Variants in RBFOX1 observed in about 807,000 individuals in gnomAD.
RBFOX1 encodes the protein RNA binding fox-1 homolog 1.
RBFOX1 carries 8 observed loss-of-function variants against 57.7 expected under a neutral mutation model. That is an observed-to-expected ratio of 0.14 (90% CI 0.08 to 0.25). The LOEUF (loss-of-function observed/expected upper bound fraction) is 0.25, where lower values mean the gene tolerates loss of function less well. Among genes scored for constraint, RBFOX1 ranks in the 10% least tolerant of loss-of-function variants. The probability of loss-of-function intolerance (pLI) is 1.00; values close to 1 mark genes in which losing one functional copy is unlikely to be tolerated. For synonymous variants in RBFOX1, 326 were observed against 222.4 expected, an observed-to-expected ratio of 1.47 and a Z score of -4.15; for missense variants, 611 against 548.5, an observed-to-expected ratio of 1.11 and a Z score of -1.14.
exon 1 of RBFOX1, chr16:5,240,079 A>G: frequency 6.5e-7 from 1 of 1,531,302 alleles, no homozygotes; most frequent in Non-Finnish European, 8.7e-7. Context: ...GGAGACCGGC[A>G]CCCAGACAGG....
At position 6,943,163 on chromosome 16, in the gene RBFOX1, C is replaced by G. The variant is rs572227214; in HGVS notation, c.-15-108894C>G. ...ACTGGCTTGCTAATGGCTACCAGCTCTCCACTCTCCACAGACCTGAGCTTG... is the reference window on the plus strand; with the variant it reads ...ACTGGCTTGCTAATGGCTACCAGCTGTCCACTCTCCACAGACCTGAGCTTG... On this transcript the variant is annotated intron_variant, in intron 3 of 15. Transcript: ENST00000550418. Among the ~76,000 whole-genome samples the G allele has an allele frequency of 3.5e-4, 53 of 152,302 alleles. No homozygotes were observed. The South Asian group carries it at 0.011, about 30-fold the overall frequency.
At chr16:7,030,361 A>C (rs2042476323) in intron 3 of RBFOX1, among the ~76,000 whole-genome samples, 2 of 152,184 alleles carry the variant, frequency 1.3e-5, no homozygotes, top group African/African-American at 4.8e-5. Flanking sequence ...GTTAACGCCA[A>C]CTGGATGGCT....
intron 3 of RBFOX1, among the ~76,000 whole-genome samples, chr16:5,710,574 C>T (rs1185513559): frequency 2.6e-5 from 4 of 152,202 alleles, no homozygotes; most frequent in Non-Finnish European, 4.4e-5. Flanking sequence ...ATCTTTTCTT[C>T]TCTGATTAAG....
At chr16:5,349,089 A>C (rs1259427168) in intron 1 of RBFOX1, among the ~76,000 whole-genome samples, 1 of 152,192 alleles carries the variant, frequency 6.6e-6, no homozygotes, top group Non-Finnish European at 1.5e-5. Flanking sequence ...TGTTATCTGC[A>C]ATGGAGTATT....
chr16:6,256,195 ATGTATATGTATATG>A (rs1567788072), intron 1 of RBFOX1, among the ~76,000 whole-genome samples: 4 of 19,044 alleles, frequency 2.1e-4, no homozygotes, highest in African/African-American at 3.4e-4. Flanking sequence ...ACGTATATAT[ATGTATATGTATATG>A]TGTATATATA....
chr16:5,815,748 T>A (rs1450362004), intron 3 of RBFOX1, among the ~76,000 whole-genome samples: 7 of 152,202 alleles, frequency 4.6e-5, no homozygotes, highest in African/African-American at 1.7e-4. Flanking sequence ...CTTTAATAAA[T>A]CACCCCACGC....
intron 4 of RBFOX1, among the ~76,000 whole-genome samples, chr16:7,439,725 A>G (rs897302028): frequency 6.6e-6 from 1 of 152,150 alleles, no homozygotes; most frequent in African/African-American, 2.4e-5. Context: ...TGCATTGCTA[A>G]TGGATGTGTC....
At chr16:6,200,315 T>G (rs147030713) in intron 1 of RBFOX1, among the ~76,000 whole-genome samples, 14 of 152,188 alleles carry the variant, frequency 9.2e-5, no homozygotes, top group African/African-American at 2.9e-4. Flanking sequence ...GTTCAACGCT[T>G]TTCATTGTAT....
chr16:6,989,112 G>C (rs576538771), intron 3 of RBFOX1, among the ~76,000 whole-genome samples: 1 of 152,172 alleles, frequency 6.6e-6, no homozygotes, highest in East Asian at 1.9e-4. Flanking sequence ...GGGCAGGTTG[G>C]CCTAAACTCT....
chr16:7,453,795 T>A (rs11864798), intron 4 of RBFOX1, among the ~76,000 whole-genome samples: 3,235 of 152,160 alleles, frequency 0.021, 117 homozygotes, highest in African/African-American at 0.073. Flanking sequence ...CTGATGAGAT[T>A]ATGAAGCACG....
intron 4 of RBFOX1, among the ~76,000 whole-genome samples, chr16:7,071,028 T>C (rs1452365231): frequency 1.3e-5 from 2 of 152,094 alleles, no homozygotes; most frequent in Non-Finnish European, 2.9e-5. Flanking sequence ...TTAAGAGAAA[T>C]GAACTTCAAA....
chr16:5,700,458 G>A (rs28460640), intron 3 of RBFOX1, among the ~76,000 whole-genome samples: 9,063 of 152,200 alleles, frequency 0.06, 877 homozygotes, highest in African/African-American at 0.2. Flanking sequence ...CCTCATGAAA[G>A]CGTTTCATGA....
chr16:5,517,620 G>T (rs1394954255), intron 2 of RBFOX1, among the ~76,000 whole-genome samples: 1 of 152,182 alleles, frequency 6.6e-6, no homozygotes, highest in Non-Finnish European at 1.5e-5. Context: ...TAAGATGTGT[G>T]ATTGAGGAAA....
At chr16:7,323,425 A>G (rs964074219) in intron 4 of RBFOX1, among the ~76,000 whole-genome samples, 2 of 152,188 alleles carry the variant, frequency 1.3e-5, no homozygotes, top group Non-Finnish European at 2.9e-5. Context: ...CCCTGTCTCA[A>G]TAAATAAATA....
At chr16:6,573,224 G>T (rs949054242) in intron 2 of RBFOX1, among the ~76,000 whole-genome samples, 1 of 152,110 alleles carries the variant, frequency 6.6e-6, no homozygotes, top group African/African-American at 2.4e-5. Flanking sequence ...CGTTAAATCA[G>T]CCATCAGACG....
intron 1 of RBFOX1, among the ~76,000 whole-genome samples, chr16:5,290,232 G>GAC (rs2063499797): frequency 1.3e-5 from 2 of 152,144 alleles, no homozygotes; most frequent in Non-Finnish European, 2.9e-5. Flanking sequence ...TGTGGTGGCA[G>GAC]ACGCCTCTAA....
intron 1 of RBFOX1, among the ~76,000 whole-genome samples, chr16:6,129,870 C>T (rs915817950): frequency 6.6e-6 from 1 of 151,764 alleles, no homozygotes; most frequent in African/African-American, 2.4e-5. Context: ...AGAAGACAAT[C>T]ATATGACATC....
chr16:5,705,234 C>G (rs554869426), intron 3 of RBFOX1, among the ~76,000 whole-genome samples: 1 of 152,156 alleles, frequency 6.6e-6, no homozygotes, highest in Non-Finnish European at 1.5e-5. Context: ...CCAGCACCAT[C>G]CATGTGCTAA....
intron 4 of RBFOX1, among the ~76,000 whole-genome samples, chr16:7,491,356 A>C (rs188026398): frequency 4.7e-5 from 6 of 127,482 alleles, no homozygotes; most frequent in African/African-American, 1.5e-4. Flanking sequence ...TATCCTAGTA[A>C]GGGACTCTTC....
Sources: gnomAD v4.1 joint callset for allele counts (sites outside exome capture counted in the v4.1 genomes callset) on GRCh38, gnomAD v4.1.1 for gene constraint, MANE v1.5 for transcripts, NCBI Gene and HGNC (gene_info 2026-07-23, HGNC 2026-07-21) for gene names.